NKAIN2: variants seen among roughly 807,000 people sequenced by gnomAD.
NKAIN2 encodes the protein sodium/potassium transporting ATPase interacting 2.
In NKAIN2, 14 loss-of-function variants were observed where a neutral mutation model predicts 32.6. That is an observed-to-expected ratio of 0.43 (90% CI 0.28 to 0.67). The LOEUF (loss-of-function observed/expected upper bound fraction) is 0.67. Among genes scored for constraint, NKAIN2 ranks in the 30% least tolerant of loss-of-function variants. The pLI is 0.17. For synonymous variants in NKAIN2, 80 were observed against 87.2 expected (o/e 0.92, Z 0.46); for missense variants, 198 against 258.3 (o/e 0.77, Z 1.60).
intron 1 of NKAIN2, among the ~76,000 whole-genome samples, chr6:124,196,772 C>T (rs1790335903): frequency 1.3e-5 from 2 of 151,934 alleles, no homozygotes; most frequent in Non-Finnish European, 2.9e-5. Flanking sequence ...TAATATAAAA[C>T]ATAATATATT....
chr6:124,454,104 TTTG>T (rs1335996002), intron 3 of NKAIN2, among the ~76,000 whole-genome samples: 4 of 86,990 alleles, frequency 4.6e-5, no homozygotes, highest in South Asian at 6.3e-4. Flanking sequence ...GGGTTTTTTT[TTTG>T]GGGGGGGGGG....
chr6:124,059,898 T>A (rs1293377578), intron 1 of NKAIN2, among the ~76,000 whole-genome samples: 1 of 152,180 alleles, frequency 6.6e-6, no homozygotes, highest in Non-Finnish European at 1.5e-5. Context: ...GTCATGGTGT[T>A]CATTATTTTA....
chr6:124,106,768 A>G (rs1281759341), intron 1 of NKAIN2, among the ~76,000 whole-genome samples: 1 of 152,228 alleles, frequency 6.6e-6, no homozygotes, highest in African/African-American at 2.4e-5. Context: ...TCACTTACAC[A>G]GAAATTCATA....
At chr6:123,881,946 C>T (rs114581997) in intron 1 of NKAIN2, among the ~76,000 whole-genome samples, 3 of 151,768 alleles carry the variant, frequency 2.0e-5, no homozygotes, top group Admixed American at 6.6e-5. Context: ...TTCAATATAC[C>T]GTATTACTAA....
chr6:124,704,016 T>A (rs1399671697), intron 4 of NKAIN2, among the ~76,000 whole-genome samples: 1 of 152,022 alleles, frequency 6.6e-6, no homozygotes, highest in Non-Finnish European at 1.5e-5. Context: ...AGTATTTGTT[T>A]TCCAGAATCA....
At chr6:123,854,174 G>A (rs902379974) in intron 1 of NKAIN2, among the ~76,000 whole-genome samples, 1 of 152,096 alleles carries the variant, frequency 6.6e-6, no homozygotes, top group East Asian at 1.9e-4. Flanking sequence ...TATGGGAATC[G>A]GTGCTTTCAA....
chr6:124,660,221 A>G (rs1784697169), intron 4 of NKAIN2, among the ~76,000 whole-genome samples: 1 of 152,210 alleles, frequency 6.6e-6, no homozygotes, highest in African/African-American at 2.4e-5. Flanking sequence ...AAAATTTTGG[A>G]AAATTTCCAC....
chr6:123,984,859 T>C (rs1412346837), intron 1 of NKAIN2, among the ~76,000 whole-genome samples: 1 of 152,070 alleles, frequency 6.6e-6, no homozygotes, highest in Non-Finnish European at 1.5e-5. Context: ...CTTTTTATAA[T>C]AAATAAAAGA....
At chr6:123,900,410 T>A (rs1774505697) in intron 1 of NKAIN2, among the ~76,000 whole-genome samples, 1 of 151,420 alleles carries the variant, frequency 6.6e-6, no homozygotes, top group Admixed American at 6.6e-5. Flanking sequence ...GAGGCGGAGG[T>A]TGCAGTGAGC....
chr6:124,115,371 A>T (rs1343913873), intron 1 of NKAIN2, among the ~76,000 whole-genome samples: 1 of 152,164 alleles, frequency 6.6e-6, no homozygotes, highest in Admixed American at 6.5e-5. Flanking sequence ...CTTAAATGTC[A>T]TGTGCCTTCA....
At chr6:124,418,568 A>T (rs867521680) in intron 3 of NKAIN2, among the ~76,000 whole-genome samples, 20 of 148,184 alleles carry the variant, frequency 1.3e-4, no homozygotes, top group African/African-American at 4.7e-4. Flanking sequence ...TAAAATATAT[A>T]TATAATATCT....
intron 1 of NKAIN2, among the ~76,000 whole-genome samples, chr6:123,965,420 C>G (rs530415580): frequency 6.6e-6 from 1 of 152,258 alleles, no homozygotes; most frequent in African/African-American, 2.4e-5. Context: ...AGTCATCACA[C>G]TTATCCTATC....
chr6:123,840,289 A>G (rs78306446), intron 1 of NKAIN2, among the ~76,000 whole-genome samples: 2,122 of 152,224 alleles, frequency 0.014, 48 homozygotes, highest in African/African-American at 0.048. Context: ...TTTAAACTAT[A>G]AAAGTCATAT....
At chr6:124,520,975 T>G (rs1779096476) in intron 3 of NKAIN2, among the ~76,000 whole-genome samples, 1 of 152,236 alleles carries the variant, frequency 6.6e-6, no homozygotes, top group Non-Finnish European at 1.5e-5. Context: ...TATATTGAAC[T>G]TGTAATCTGG....
intron 3 of NKAIN2, among the ~76,000 whole-genome samples, chr6:124,554,354 C>A (rs758046311): frequency 6.6e-6 from 1 of 152,174 alleles, no homozygotes; most frequent in Non-Finnish European, 1.5e-5. Context: ...TAAGCCAAAA[C>A]CTTTTCTATT....
chr6:124,117,973 G>T (rs1223875991), intron 1 of NKAIN2, among the ~76,000 whole-genome samples: 1 of 151,256 alleles, frequency 6.6e-6, no homozygotes, highest in Admixed American at 6.6e-5. Context: ...AGGAAATCTG[G>T]TTCTCTTTCT....
chr6:124,113,467 G>A (rs557343882), intron 1 of NKAIN2, among the ~76,000 whole-genome samples: 69 of 151,934 alleles, frequency 4.5e-4, no homozygotes, highest in African/African-American at 6.8e-4. Flanking sequence ...TTGTTTGTTC[G>A]TTTGCTCACT....
At chr6:124,027,475 G>C (rs561799370) in intron 1 of NKAIN2, among the ~76,000 whole-genome samples, 5 of 152,162 alleles carry the variant, frequency 3.3e-5, no homozygotes, top group African/African-American at 1.2e-4. Flanking sequence ...AGACTCTCAA[G>C]TCTATATCCC....
chr6:124,764,986 T>C (rs987703470), intron 4 of NKAIN2, among the ~76,000 whole-genome samples: 13 of 152,216 alleles, frequency 8.5e-5, no homozygotes, highest in African/African-American at 2.7e-4. Context: ...GTTCTTTAAC[T>C]AAGTTCCACT....
Sources: gnomAD v4.1 joint callset for allele counts (sites outside exome capture counted in the v4.1 genomes callset) on GRCh38, gnomAD v4.1.1 for gene constraint, MANE v1.5 for transcripts, NCBI Gene and HGNC (gene_info 2026-07-23, HGNC 2026-07-21) for gene names.